The following BMPR1B variants were observed in gnomAD, a reference collection of about 807,000 sequenced individuals.
BMPR1B encodes bone morphogenetic protein receptor type-1B.
In BMPR1B, 12 loss-of-function variants were observed where a neutral mutation model predicts 59.1. The observed-to-expected ratio is 0.20, with a 90% CI of 0.13 to 0.33. The LOEUF (loss-of-function observed/expected upper bound fraction) is 0.33, where lower values mean the gene tolerates loss of function less well. BMPR1B is among the 10% of genes least tolerant of loss of function. BMPR1B has a pLI of 1.00. For synonymous variants in BMPR1B, 237 were observed against 207.3 expected, an observed-to-expected ratio of 1.14 and a Z score of -1.23; for missense variants, 550 against 610.9, an observed-to-expected ratio of 0.90 and a Z score of 1.05.
chr4:94,986,069 A>C (rs1159038782), intron 2 of BMPR1B, among the ~76,000 whole-genome samples: 8 of 152,184 alleles, frequency 5.3e-5, no homozygotes, highest in African/African-American at 1.9e-4. Flanking sequence ...ATATTTTTCC[A>C]AACATAAGTA....
chr4:95,036,154 A>T (rs1231873564), intron 3 of BMPR1B, among the ~76,000 whole-genome samples: 1 of 152,054 alleles, frequency 6.6e-6, no homozygotes, highest in African/African-American at 2.4e-5. Context: ...AGATATTTTG[A>T]TATAGACATA....
intron 4 of BMPR1B, among the ~76,000 whole-genome samples, chr4:95,108,535 G>C (rs1173353313): frequency 6.6e-6 from 1 of 152,026 alleles, no homozygotes; most frequent in Non-Finnish European, 1.5e-5. Context: ...GAGGACATGT[G>C]CAAGGTTTTA....
rs1490686941 is a variant in BMPR1B, at chr4:94,984,172, A to G, written c.-112-11868A>G. The stretch of plus-strand genomic sequence containing the variant: ...CAATAAGTCTGTGCACTGACTTCCA[A>G]CTGATATGTGGCTTGTCATCTGAAT... On this transcript the variant is annotated intron_variant, in intron 2 of 12. Transcript: ENST00000515059. Among the ~76,000 whole-genome samples, 6 of 152,190 alleles carry G rather than the reference A, an allele frequency of 3.9e-5. No individual in the cohort carries two copies. The South Asian group carries it at 6.2e-4, about 16-fold the overall frequency.
At chr4:94,765,012 T>A (rs1721916935) in intron 1 of BMPR1B, among the ~76,000 whole-genome samples, 1 of 152,154 alleles carries the variant, frequency 6.6e-6, no homozygotes, top group Non-Finnish European at 1.5e-5. Context: ...GGGGGGACTA[T>A]CATTTACTGA....
intron 3 of BMPR1B, among the ~76,000 whole-genome samples, chr4:95,012,039 CAA>C (rs546068856): frequency 3.6e-5 from 5 of 139,844 alleles, no homozygotes; most frequent in South Asian, 2.3e-4. Context: ...ACAACAACAA[CAA>C]AAAAAAAAAA....
At chr4:94,924,189 G>A (rs569583564) in intron 2 of BMPR1B, among the ~76,000 whole-genome samples, 10 of 152,198 alleles carry the variant, frequency 6.6e-5, no homozygotes, top group African/African-American at 2.4e-4. Flanking sequence ...TAAAGTTGGA[G>A]CTTCAGAATT....
At chr4:94,950,709 T>G (rs1729900141) in intron 2 of BMPR1B, among the ~76,000 whole-genome samples, 1 of 152,210 alleles carries the variant, frequency 6.6e-6, no homozygotes, top group African/African-American at 2.4e-5. Flanking sequence ...TAGTATAGTT[T>G]GAAGTCAGGT....
chr4:94,836,732 T>G (rs1724834044), intron 1 of BMPR1B, among the ~76,000 whole-genome samples: 1 of 147,544 alleles, frequency 6.8e-6, no homozygotes, highest in Admixed American at 6.7e-5. Context: ...GATGGTAGTT[T>G]CTTTTGCTGT....
At chr4:94,847,854 A>G (rs1725398874) in intron 1 of BMPR1B, among the ~76,000 whole-genome samples, 1 of 152,152 alleles carries the variant, frequency 6.6e-6, no homozygotes, top group Non-Finnish European at 1.5e-5. Flanking sequence ...AATATACAGA[A>G]TGAATAAGAT....
chr4:95,010,291 C>G (rs1396229583), intron 3 of BMPR1B, among the ~76,000 whole-genome samples: 1 of 152,222 alleles, frequency 6.6e-6, no homozygotes, highest in Non-Finnish European at 1.5e-5. Context: ...CTATTTCCAT[C>G]CATTCCAGTG....
At chr4:95,088,990 C>T (rs1165837496) in intron 3 of BMPR1B, among the ~76,000 whole-genome samples, 1 of 152,010 alleles carries the variant, frequency 6.6e-6, no homozygotes, top group Non-Finnish European at 1.5e-5. Flanking sequence ...TTTGTTTGAT[C>T]TCATTTGTTC....
At chr4:95,088,885 CT>C (rs1729780680) in intron 3 of BMPR1B, among the ~76,000 whole-genome samples, 2 of 151,936 alleles carry the variant, frequency 1.3e-5, no homozygotes. Context: ...TAATTCTTTG[CT>C]GAGTTTTTAC....
chr4:94,880,891 C>T (rs1726938632), intron 2 of BMPR1B, among the ~76,000 whole-genome samples: 3 of 152,082 alleles, frequency 2.0e-5, no homozygotes, highest in Non-Finnish European at 4.4e-5. Context: ...CCTCCTTGGC[C>T]TCCCAAAGTG....
chr4:94,954,803 A>G (rs889021449), intron 2 of BMPR1B, among the ~76,000 whole-genome samples: 7 of 152,292 alleles, frequency 4.6e-5, no homozygotes, highest in African/African-American at 1.7e-4. Flanking sequence ...AGCACTTAGA[A>G]TAGTTCCTGA....
intron 3 of BMPR1B, among the ~76,000 whole-genome samples, chr4:95,016,023 A>G (rs1022343286): frequency 1.3e-5 from 2 of 152,194 alleles, no homozygotes; most frequent in Middle Eastern, 3.2e-3. Context: ...TATGACAGAC[A>G]GACAAACTAA....
chr4:94,931,863 A>G (rs940195631), intron 2 of BMPR1B, among the ~76,000 whole-genome samples: 2 of 151,996 alleles, frequency 1.3e-5, no homozygotes, highest in Admixed American at 6.6e-5. Context: ...TGTCTGGTCA[A>G]TAGAACCTGT....
At position 95,019,861 on chromosome 4, in the gene BMPR1B, C is replaced by A. The variant is rs112002746; in HGVS notation, c.-18+23727C>A. Among the ~76,000 whole-genome samples the A allele has an allele frequency of 1.5e-3, 223 of 152,162 alleles. 1 individual carries two copies. Among genetic ancestry groups the A allele is most frequent in the Middle Eastern group, 6.8e-3 (2 of 294 alleles). On this transcript the variant is annotated intron_variant, in intron 3 of 12. Transcript: ENST00000515059. ...AAGTTAGACCAAAATCAAAATAAAT[C>A]GTCCTCAAGTGGTGAAAGGAAATAT... is the stretch of plus-strand genomic sequence containing the variant.
intron 2 of BMPR1B, among the ~76,000 whole-genome samples, chr4:94,878,098 T>C (rs891483400): frequency 1.3e-5 from 2 of 152,210 alleles, no homozygotes; most frequent in African/African-American, 4.8e-5. Context: ...TAGGATATAT[T>C]CCTGACCGTG....
At chr4:94,863,791 A>G (rs1391379751) in intron 1 of BMPR1B, among the ~76,000 whole-genome samples, 1 of 152,174 alleles carries the variant, frequency 6.6e-6, no homozygotes, top group East Asian at 1.9e-4. Flanking sequence ...AGAGGCAGAT[A>G]TCTTTTGGTT....
Sources: gnomAD v4.1 joint callset for allele counts (sites outside exome capture counted in the v4.1 genomes callset) on GRCh38, gnomAD v4.1.1 for gene constraint, MANE v1.5 for transcripts, NCBI Gene and HGNC (gene_info 2026-07-23, HGNC 2026-07-21) for gene names.